ZBTB20: variants seen among roughly 807,000 people sequenced by gnomAD.
ZBTB20 encodes the protein zinc finger and BTB domain-containing protein 20.
In ZBTB20, 9 loss-of-function variants were observed where a neutral mutation model predicts 56.9. The observed-to-expected ratio is 0.16, with a 90% confidence interval of 0.10 to 0.28. The LOEUF (loss-of-function observed/expected upper bound fraction) is 0.28. ZBTB20 is among the 10% of genes least tolerant of loss of function. The probability of loss-of-function intolerance (pLI) is 1.00; values close to 1 mark genes in which losing one functional copy is unlikely to be tolerated. For synonymous variants in ZBTB20, 417 were observed against 420.7 expected (o/e 0.99, Z 0.11); for missense variants, 655 against 1,003.0 (o/e 0.65, Z 4.69).
At position 114,318,732 on chromosome 3, in the gene ZBTB20, T is replaced by C. The variant is rs1457020653; in HGVS notation, c.*20273A>G. On this transcript the variant is annotated 3_prime_UTR_variant, in exon 12 of 12. Coordinates refer to ENST00000675478, the MANE Select transcript of ZBTB20 (RefSeq NM_001348800.3). Reference sequence around the variant, plus strand: ...TCAGAAACAAATTTAACTTTGGTTTTCCAACTTTTTCAAACCATAAAAATT... The same window carrying C: ...TCAGAAACAAATTTAACTTTGGTTTCCCAACTTTTTCAAACCATAAAAATT... The C allele has an allele frequency of 6.6e-6, 1 of 152,216 alleles. No individual in the cohort carries two copies. The highest frequency in any genetic ancestry group is 1.5e-5 in the Non-Finnish European group (1 of 68,042). The allele number at this position is 152,216 out of a possible 1,614,324, so 9.4% of individuals were successfully genotyped here. A position where few individuals can be genotyped will look rare whatever the true frequency, so the allele number is the denominator to read the frequency against.
intron 5 of ZBTB20, among the ~76,000 whole-genome samples, chr3:114,748,376 CTCTT>C (rs796819703): frequency 1.0e-4 from 15 of 146,440 alleles, no homozygotes; most frequent in African/African-American, 2.5e-4. Flanking sequence ...CTCTCTCTCT[CTCTT>C]TCTTTCTTTT....
Position 114,351,034 on chromosome 3 carries a change from C to T in ZBTB20, c.1044G>A (p.Leu348=), listed in dbSNP as rs2108206460. The T allele has an allele frequency of 6.2e-7, 1 of 1,612,122 alleles. No individual in the cohort carries two copies. The highest frequency in any genetic ancestry group is 1.1e-5 in the South Asian group (1 of 91,028). The stretch of plus-strand genomic sequence containing the variant: ...TGCACTCCTCGGATTCGTTGCGTTC[C>T]AGGATCTGCACCCTTTGCTGCCCGT... ...DYYGQQRVQI[L]ERNESEECTE... is the part of the protein sequence containing the mutation. Residue 348 remains leucine (L), a synonymous_variant, in exon 11 of 12, where the codon CTG becomes CTA. Coordinates refer to ENST00000675478, the MANE Select transcript of ZBTB20 (RefSeq NM_001348800.3).
chr3:114,754,274 C>G (rs560024889), intron 5 of ZBTB20, among the ~76,000 whole-genome samples: 1 of 152,294 alleles, frequency 6.6e-6, no homozygotes, highest in African/African-American at 2.4e-5. Context: ...CTGGTATATT[C>G]ACTCACACAC....
intron 6 of ZBTB20, among the ~76,000 whole-genome samples, chr3:114,615,976 G>A (rs570258745): frequency 6.6e-6 from 1 of 152,314 alleles, no homozygotes; most frequent in African/African-American, 2.4e-5. Context: ...ACGGCCAGGA[G>A]AAATTGCTCT....
rs193010787 is a variant in ZBTB20, at chr3:114,999,314, G to A, written c.-506-24898C>T. ...AGGGGGAGGGAAATGAAAGGGGGAGGGAAATTTTCAGGGCAAAACAGAAAG... is the reference window on the plus strand; with the variant it reads ...AGGGGGAGGGAAATGAAAGGGGGAGAGAAATTTTCAGGGCAAAACAGAAAG... On this transcript the variant is annotated intron_variant, in intron 2 of 11. Coordinates refer to ENST00000675478, the MANE Select transcript of ZBTB20 (RefSeq NM_001348800.3). Among the ~76,000 whole-genome samples the A allele has an allele frequency of 7.6e-5, 11 of 145,116 alleles. No individual in the cohort carries two copies. In the East Asian group the frequency reaches 2.4e-3, roughly 31 times the overall value.
At chr3:114,409,648 T>G (rs557009122) in intron 7 of ZBTB20, among the ~76,000 whole-genome samples, 2 of 152,120 alleles carry the variant, frequency 1.3e-5, no homozygotes, top group Non-Finnish European at 2.9e-5. Context: ...AGCCTGGAAT[T>G]CATTTAGCTT....
At chr3:115,009,957 T>A (rs1053387519) in intron 2 of ZBTB20, among the ~76,000 whole-genome samples, 1 of 151,986 alleles carries the variant, frequency 6.6e-6, no homozygotes, top group Admixed American at 6.6e-5. Context: ...CAGTATTATG[T>A]ATTTTTTCTT....
At chr3:114,492,959 G>A (rs1049117777) in intron 7 of ZBTB20, among the ~76,000 whole-genome samples, 7 of 152,168 alleles carry the variant, frequency 4.6e-5, no homozygotes, top group African/African-American at 1.4e-4. Context: ...TACTACCACA[G>A]TCAAGCTACA....
chr3:115,000,080 G>A (rs2079187905), intron 2 of ZBTB20, among the ~76,000 whole-genome samples: 1 of 151,198 alleles, frequency 6.6e-6, no homozygotes, highest in Non-Finnish European at 1.5e-5. Context: ...CCATCTCGTA[G>A]AGTGCTATTT....
chr3:114,910,701 C>T (rs2075501392), intron 3 of ZBTB20, among the ~76,000 whole-genome samples: 1 of 151,574 alleles, frequency 6.6e-6, no homozygotes, highest in Non-Finnish European at 1.5e-5. Flanking sequence ...TAAAATGATG[C>T]TCAAAAAAAA....
intron 4 of ZBTB20, among the ~76,000 whole-genome samples, chr3:114,896,676 G>A (rs1299411433): frequency 6.6e-6 from 1 of 152,048 alleles, no homozygotes; most frequent in Non-Finnish European, 1.5e-5. Flanking sequence ...GTTATATAGA[G>A]ATGTATTGTG....
rs565799835 is a variant in ZBTB20 at position 114,917,412 on chromosome 3, A to T, written c.-455-17070T>A. ...GGTCATGTCTTCCTGGATGGTCTTG[A>T]TGCTTGTGGATGTCTGTTAATGTCT... On this transcript the variant is annotated intron_variant, in intron 3 of 11. Coordinates refer to ENST00000675478, the MANE Select transcript of ZBTB20 (RefSeq NM_001348800.3). 1.4e-3 allele frequency among the ~76,000 whole-genome samples: 214 copies of T among 152,146 alleles called. 1 individual carries two copies. The highest frequency in any genetic ancestry group is 4.3e-3 in the African/African-American group (179 of 41,500).
chr3:114,990,498 G>A (rs570105553), intron 2 of ZBTB20, among the ~76,000 whole-genome samples: 7 of 152,214 alleles, frequency 4.6e-5, no homozygotes, highest in South Asian at 2.1e-4. Context: ...TGCTGGATTC[G>A]GTTTGCCAGT....
intron 2 of ZBTB20, among the ~76,000 whole-genome samples, chr3:115,011,969 C>G (rs1303834674): frequency 6.6e-6 from 1 of 151,736 alleles, no homozygotes; most frequent in East Asian, 2.0e-4. Flanking sequence ...TTTGTTCATG[C>G]AAACAGTGTT....
intron 6 of ZBTB20, among the ~76,000 whole-genome samples, chr3:114,584,810 G>A (rs934608808): frequency 1.3e-5 from 2 of 152,138 alleles, no homozygotes; most frequent in East Asian, 1.9e-4. Context: ...AAATAAGTAC[G>A]AGAATGCAAG....
intron 6 of ZBTB20, among the ~76,000 whole-genome samples, chr3:114,683,945 A>C (rs992746155): frequency 6.6e-6 from 1 of 152,122 alleles, no homozygotes; most frequent in Non-Finnish European, 1.5e-5. Context: ...GTGGTGTATA[A>C]TATACTGTGT....
At chr3:114,455,427 G>C (rs985969236) in intron 7 of ZBTB20, among the ~76,000 whole-genome samples, 2 of 152,058 alleles carry the variant, frequency 1.3e-5, no homozygotes, top group Non-Finnish European at 2.9e-5. Flanking sequence ...ACTAGATAGA[G>C]GTCTTTAAAA....
At chr3:114,422,579 T>C (rs1221070081) in intron 7 of ZBTB20, among the ~76,000 whole-genome samples, 1 of 152,158 alleles carries the variant, frequency 6.6e-6, no homozygotes, top group Non-Finnish European at 1.5e-5. Flanking sequence ...AAATAGGATA[T>C]AATCAGACAT....
rs368927046 is a variant in ZBTB20, at chr3:114,339,320, A to G, written c.1911T>C (p.Ser637=). Residue 637 remains serine (S), a synonymous_variant, in exon 12 of 12, where the codon AGT becomes AGC. Transcript: ENST00000675478. The surrounding 1 kb of genome is among the most constrained non-coding windows in gnomAD (Gnocchi z 4.2). ...TCTGGGTGAAGCGCTTGTTGCAGATACTACACTGGTATGCCCTCACTCCTG... is the reference window on the plus strand; with the variant it reads ...TCTGGGTGAAGCGCTTGTTGCAGATGCTACACTGGTATGCCCTCACTCCTG... ...THTGVRAYQC[S]ICNKRFTQKS... is the part of the protein sequence containing the mutation. 2.0e-4 allele frequency: 330 copies of G among 1,614,062 alleles called. No individual in the cohort carries two copies. The highest frequency in any genetic ancestry group is 2.6e-4 in the Non-Finnish European group (310 of 1,180,042).
Sources: allele counts gnomAD v4.1 joint callset (sites outside exome capture counted in the v4.1 genomes callset), GRCh38; gene constraint gnomAD v4.1.1; non-coding constraint Gnocchi (gnomAD v3.1); transcripts MANE v1.5; gene names NCBI Gene and HGNC (gene_info 2026-07-23, HGNC 2026-07-21).